Variants in ANO10 observed in about 807,000 individuals in gnomAD.
ANO10 encodes the protein anoctamin 10, also known as anoctamin-10.
A neutral mutation model predicts 74.7 loss-of-function variants in ANO10; 77 were observed. That is an observed-to-expected ratio of 1.03 (90% CI 0.86 to 1.25). The LOEUF (loss-of-function observed/expected upper bound fraction) is 1.25, where lower values mean the gene tolerates loss of function less well. ANO10 is among the 50% of genes most tolerant of loss of function. The pLI is 0.00. For missense variants in ANO10, 721 were observed against 778.1 expected, an observed-to-expected ratio of 0.93 and a Z score of 0.87; for synonymous variants, 279 against 284.9, an observed-to-expected ratio of 0.98 and a Z score of 0.21.
At chr3:43,635,884 T>C (rs2083603923) in intron 1 of ANO10, among the ~76,000 whole-genome samples, 1 of 152,110 alleles carries the variant, frequency 6.6e-6, no homozygotes, top group Non-Finnish European at 1.5e-5. Flanking sequence ...CCTCCCAAAG[T>C]GCTGGGATTA....
intron 11 of ANO10, among the ~76,000 whole-genome samples, chr3:43,535,522 C>T (rs6803386): frequency 0.082 from 12,453 of 152,124 alleles, 751 homozygotes; most frequent in African/African-American, 0.16. Context: ...GATCCACCTG[C>T]TTTGGCCTCC....
chr3:43,600,418 T>A lies in ANO10; in HGVS notation c.303A>T (p.Thr101=). The change falls in exon 3 of 13, where the codon ACA becomes ACT. Residue 101 remains threonine, a synonymous_variant. Transcript: ENST00000292246. ...ECNDNTMRAF[T]YRTRQNFKGF... is the part of the protein sequence containing the mutation. ...CTTTGAAGTTCTGTCTGGTTCTGTA[T>A]GTGAAGGCTCTCATGGTGTTATCAT... 6.2e-7 allele frequency: 1 copy of A among 1,614,130 alleles called. No individual in the cohort carries two copies. Among genetic ancestry groups the A allele is most frequent in the Non-Finnish European group, 8.5e-7 (1 of 1,179,986 alleles).
chr3:43,411,257 G>C (rs1283216256), intron 12 of ANO10, among the ~76,000 whole-genome samples: 2 of 152,164 alleles, frequency 1.3e-5, no homozygotes, highest in African/African-American at 2.4e-5. Context: ...CTAAGAATCA[G>C]AGCAAGGCAC....
chr3:43,577,317 T>C, intron 5 of ANO10, 56 bp from the exon 6 acceptor site: 2 of 1,516,932 alleles, frequency 1.3e-6, no homozygotes, highest in Middle Eastern at 1.7e-4. Context: ...CTTTAAAAAA[T>C]CATTTCAAGT....
chr3:43,481,103 A>C (rs945276056), intron 11 of ANO10, among the ~76,000 whole-genome samples: 14 of 152,228 alleles, frequency 9.2e-5, no homozygotes, highest in African/African-American at 3.4e-4. Flanking sequence ...TATAGTAGAG[A>C]GTCAATAAAA....
At chr3:43,567,547 G>T (rs1341576445) in intron 7 of ANO10, among the ~76,000 whole-genome samples, 3 of 152,030 alleles carry the variant, frequency 2.0e-5, no homozygotes, top group African/African-American at 7.3e-5. Flanking sequence ...TTAAAGAAAA[G>T]AATTTTCAAC....
Position 43,576,416 on chromosome 3 carries a change from C to T in ANO10, c.1162+276G>A, listed in dbSNP as rs140630266. Among the ~76,000 whole-genome samples the T allele has an allele frequency of 8.6e-3, 1,312 of 152,260 alleles. 73 individuals are homozygous for T. Among genetic ancestry groups the T allele is most frequent in the Admixed American group, 0.075 (1,140 of 15,286 alleles). On this transcript the variant is annotated intron_variant, in intron 6 of 12. Transcript: ENST00000292246. ...AAAGGGTGAAATAACTTCTACTTCACGGTACCCTTGAGAAGGTGATGGTGA... is the reference window on the plus strand; with the variant it reads ...AAAGGGTGAAATAACTTCTACTTCATGGTACCCTTGAGAAGGTGATGGTGA...
chr3:43,571,741 C>T (rs1340017130), intron 7 of ANO10, among the ~76,000 whole-genome samples: 12 of 149,400 alleles, frequency 8.0e-5, no homozygotes, highest in East Asian at 7.9e-4. Flanking sequence ...TGCTAGATGA[C>T]GAGTTAGTGG....
chr3:43,567,407 G>GA (rs1490170201), intron 7 of ANO10, among the ~76,000 whole-genome samples: 1 of 152,028 alleles, frequency 6.6e-6, no homozygotes, highest in Non-Finnish European at 1.5e-5. Flanking sequence ...TGATATGAAG[G>GA]AAAAAATGTT....
chr3:43,422,182 T>C (rs1575743607), intron 12 of ANO10, among the ~76,000 whole-genome samples: 2 of 152,162 alleles, frequency 1.3e-5, no homozygotes, highest in African/African-American at 4.8e-5. Flanking sequence ...AGTGGTGAGA[T>C]CTCAGCTCAT....
At chr3:43,524,715 G>A (rs1210169356) in intron 11 of ANO10, among the ~76,000 whole-genome samples, 1 of 152,056 alleles carries the variant, frequency 6.6e-6, no homozygotes, top group African/African-American at 2.4e-5. Context: ...ACACATCTGG[G>A]CTCTTCTGCC....
chr3:43,417,562 A>T (rs543017532), intron 12 of ANO10, among the ~76,000 whole-genome samples: 2 of 152,102 alleles, frequency 1.3e-5, no homozygotes, highest in Middle Eastern at 3.4e-3. Flanking sequence ...TATTCTGCCC[A>T]TTAAACTTCC....
rs2081036621 is a variant in ANO10 at position 43,576,998 on chromosome 3, G to A, written c.856C>T (p.Pro286Ser). ...ATACCCAAGACACCATGAAATCCTGGCCGGGGCTCCTCAAACTTTCTCTTC... is the reference window on the plus strand; with the variant it reads ...ATACCCAAGACACCATGAAATCCTGACCGGGGCTCCTCAAACTTTCTCTTC... ...LMKRKFEEPR[P>S]GFHGVLGINS... The change falls in exon 6 of 13, where the codon CCA becomes TCA. Residue 286 changes from proline to serine, a missense_variant. Coordinates refer to ENST00000292246, the MANE Select transcript of ANO10 (RefSeq NM_018075.5). The A allele has an allele frequency of 1.2e-6, 2 of 1,613,618 alleles. No individual in the cohort carries two copies. The highest frequency in any genetic ancestry group is 8.5e-7 in the Non-Finnish European group (1 of 1,179,674).
intron 1 of ANO10, among the ~76,000 whole-genome samples, chr3:43,663,223 C>T (rs1161722026): frequency 6.6e-6 from 1 of 152,156 alleles, no homozygotes; most frequent in Non-Finnish European, 1.5e-5. Context: ...CCCTGGGATG[C>T]AAGACTGGTT....
At chr3:43,680,359 A>T (rs1033392123) in intron 1 of ANO10, among the ~76,000 whole-genome samples, 2 of 152,160 alleles carry the variant, frequency 1.3e-5, no homozygotes, top group African/African-American at 2.4e-5. Flanking sequence ...AAATGAATGA[A>T]ATGAAGCAAG....
At chr3:43,462,786 G>A (rs538337724) in intron 11 of ANO10, among the ~76,000 whole-genome samples, 1 of 152,296 alleles carries the variant, frequency 6.6e-6, no homozygotes, top group Admixed American at 6.5e-5. Context: ...TGTGGGCCAG[G>A]CCCAGGGTAC....
intron 11 of ANO10, among the ~76,000 whole-genome samples, chr3:43,435,342 C>T (rs1186953812): frequency 6.6e-6 from 1 of 152,092 alleles, no homozygotes; most frequent in Non-Finnish European, 1.5e-5. Context: ...AACCCCATCT[C>T]CACTAGAAAT....
chr3:43,669,433 T>C (rs929142347), intron 1 of ANO10, among the ~76,000 whole-genome samples: 7 of 152,154 alleles, frequency 4.6e-5, no homozygotes, highest in African/African-American at 1.4e-4. Context: ...ATTGTTCACA[T>C]TGAGTCTCCA....
chr3:43,486,305 C>T (rs1256618418), intron 11 of ANO10, among the ~76,000 whole-genome samples: 3 of 152,136 alleles, frequency 2.0e-5, no homozygotes, highest in Non-Finnish European at 4.4e-5. Context: ...TTTTTGGTTC[C>T]ATATGAACTT....
Sources: gnomAD v4.1 joint callset for allele counts (sites outside exome capture counted in the v4.1 genomes callset) on GRCh38, gnomAD v4.1.1 for gene constraint, MANE v1.5 for transcripts, NCBI Gene and HGNC (gene_info 2026-07-23, HGNC 2026-07-21) for gene names.